Variants in HECW1 observed in about 807,000 individuals in gnomAD.
HECW1 encodes the protein HECT, C2 and WW domain containing E3 ubiquitin protein ligase 1.
In HECW1, 61 loss-of-function variants were observed where a neutral mutation model predicts 182.3. The ratio of observed to expected loss-of-function variants is 0.33; its 90% CI spans 0.27 to 0.41. HECW1 has a LOEUF of 0.41. HECW1 is among the 10% of genes least tolerant of loss of function. HECW1 has a pLI of 1.00. For synonymous variants in HECW1, 859 were observed against 832.6 expected (o/e 1.03, Z -0.55); for missense variants, 1,739 against 2,108.9 (o/e 0.82, Z 3.44).
chr7:43,542,010 A>T lies in HECW1; in HGVS notation c.4248+12A>T, dbSNP rs767496219. On this transcript the variant is annotated intron_variant, in intron 26 of 29. Transcript: ENST00000395891. ...AGGTTTTTGGACAGGTTTGTGTGAC[A>T]TGGGGTTTGGAAAAGGGATTTTGTT... 6.7e-7 allele frequency: 1 copy of T among 1,485,572 alleles called. No homozygotes were observed. 92.0% of individuals were successfully genotyped at this position (1,485,572 alleles called of 1,614,324 possible). A position where few individuals can be genotyped will look rare whatever the true frequency, so the allele number is the denominator to read the frequency against.
chr7:43,361,081 T>TGC, intron 6 of HECW1, 101 bp downstream of exon 6: 1 of 718,628 alleles, frequency 1.4e-6, no homozygotes, highest in Non-Finnish European at 2.4e-6. Flanking sequence ...TGTGTGTGTG[T>TGC]GTGTGTGTAC....
At chr7:43,274,739 TAC>T (rs1165679814) in intron 3 of HECW1, among the ~76,000 whole-genome samples, 1 of 152,146 alleles carries the variant, frequency 6.6e-6, no homozygotes, top group Non-Finnish European at 1.5e-5. Context: ...TTTTATTTGA[TAC>T]ACACTTATTG....
At chr7:43,416,194 C>CAG (rs2075989022) in intron 8 of HECW1, among the ~76,000 whole-genome samples, 1 of 150,332 alleles carries the variant, frequency 6.7e-6, no homozygotes, top group Non-Finnish European at 1.5e-5. Context: ...TGGTGATGTA[C>CAG]AGATGGGTTT....
intron 6 of HECW1, among the ~76,000 whole-genome samples, chr7:43,396,373 AAAT>A (rs1420679677): frequency 6.6e-6 from 1 of 152,202 alleles, no homozygotes. Flanking sequence ...GGAAATCCCT[AAAT>A]AATAATAAGT....
At chr7:43,320,843 G>A (rs753385687) in intron 5 of HECW1, 101 bp downstream of exon 5, 20 of 852,600 alleles carry the variant, frequency 2.3e-5, no homozygotes, top group Non-Finnish European at 3.5e-5. Flanking sequence ...CTAAGAAATG[G>A]GCCCTCTAAA....
chr7:43,491,290 C>G lies in HECW1; in HGVS notation c.3235-785C>G, dbSNP rs2078924479. 2.6e-5 allele frequency among the ~76,000 whole-genome samples: 4 copies of G among 152,130 alleles called. No individual in the cohort carries two copies. The South Asian group carries it at 8.3e-4, about 31-fold the overall frequency. The stretch of plus-strand genomic sequence containing the variant: ...TACTTTTCCTGGATCCTCAGATTCC[C>G]TATTTGTAAATTTTGGTTAATAATG... On this transcript the variant is annotated intron_variant, in intron 17 of 29. Transcript: ENST00000395891.
intron 2 of HECW1, among the ~76,000 whole-genome samples, chr7:43,212,426 C>G (rs1171448491): frequency 1.3e-5 from 2 of 152,094 alleles, no homozygotes; most frequent in Non-Finnish European, 2.9e-5. Flanking sequence ...ATTCTTTTCA[C>G]TTTTTAAAAT....
At chr7:43,355,617 G>T (rs187676157) in intron 5 of HECW1, among the ~76,000 whole-genome samples, 2 of 150,934 alleles carry the variant, frequency 1.3e-5, no homozygotes, top group Admixed American at 1.3e-4. Flanking sequence ...AAAATAAAAA[G>T]CAAAAAAACA....
intron 26 of HECW1, among the ~76,000 whole-genome samples, chr7:43,544,005 C>A (rs1297742433): frequency 6.6e-6 from 1 of 151,870 alleles, no homozygotes. Flanking sequence ...AAGTTAGATC[C>A]CTAACCTAAC....
chr7:43,480,242 C>T (rs180848887), intron 17 of HECW1, among the ~76,000 whole-genome samples: 1 of 152,212 alleles, frequency 6.6e-6, no homozygotes, highest in African/African-American at 2.4e-5. Flanking sequence ...CTACAATGTG[C>T]TCTTTCCTTG....
intron 3 of HECW1, among the ~76,000 whole-genome samples, chr7:43,297,189 G>A (rs1806157278): frequency 6.6e-6 from 1 of 152,190 alleles, no homozygotes; most frequent in Non-Finnish European, 1.5e-5. Context: ...CTAGCCCAGA[G>A]CTTTACAAAC....
chr7:43,256,116 G>A (rs1486932583), intron 3 of HECW1, among the ~76,000 whole-genome samples: 1 of 152,092 alleles, frequency 6.6e-6, no homozygotes, highest in Non-Finnish European at 1.5e-5. Context: ...TCACGCTCTA[G>A]GTCCATAGTA....
At chr7:43,301,785 G>T (rs886271233) in intron 3 of HECW1, among the ~76,000 whole-genome samples, 3 of 151,218 alleles carry the variant, frequency 2.0e-5, no homozygotes, top group Non-Finnish European at 2.9e-5. Flanking sequence ...TGAAGCAGGA[G>T]AATCTCTTGA....
In HECW1 at chr7:43,287,132, G is replaced by A. The variant is rs548264607; in HGVS notation, c.28-24631G>A. On this transcript the variant is annotated intron_variant, in intron 3 of 29. Coordinates refer to ENST00000395891, the MANE Select transcript of HECW1 (RefSeq NM_015052.5). ...GAGAGGAAATGAACAATAAACTAAC[G>A]GAGTGTATGTTTGTTTTCAGTGGTG... Among the ~76,000 whole-genome samples, 9 of 152,256 alleles carry A rather than the reference G, an allele frequency of 5.9e-5. No homozygotes were observed. The South Asian group carries it at 8.3e-4, about 14-fold the overall frequency.
intron 5 of HECW1, among the ~76,000 whole-genome samples, chr7:43,340,221 C>T (rs188794153): frequency 1.0e-5 from 1 of 99,888 alleles, no homozygotes; most frequent in African/African-American, 3.8e-5. Flanking sequence ...TCCCACCCCC[C>T]ACCCCTTTTT....
At chr7:43,395,432 G>GT (rs2075195169) in intron 6 of HECW1, among the ~76,000 whole-genome samples, 1 of 152,196 alleles carries the variant, frequency 6.6e-6, no homozygotes. Flanking sequence ...TAAGACAAAT[G>GT]TAAGTTTCAA....
At chr7:43,548,784 A>G (rs566241678) in intron 26 of HECW1, among the ~76,000 whole-genome samples, 1 of 152,304 alleles carries the variant, frequency 6.6e-6, no homozygotes, top group East Asian at 1.9e-4. Flanking sequence ...TGTACTAAAA[A>G]TAAAAAAAAA....
intron 2 of HECW1, among the ~76,000 whole-genome samples, chr7:43,234,066 C>T (rs1274959458): frequency 1.3e-5 from 2 of 152,220 alleles, no homozygotes; most frequent in African/African-American, 2.4e-5. Context: ...GTGCAATATA[C>T]GGGTTGCTAA....
At chr7:43,431,984 T>C (rs2076563758) in intron 8 of HECW1, among the ~76,000 whole-genome samples, 1 of 150,752 alleles carries the variant, frequency 6.6e-6, no homozygotes, top group Non-Finnish European at 1.5e-5. Flanking sequence ...CCTGCCACCA[T>C]GCCTGGCTAA....
Sources: gnomAD v4.1 joint callset for allele counts (sites outside exome capture counted in the v4.1 genomes callset) on GRCh38, gnomAD v4.1.1 for gene constraint, MANE v1.5 for transcripts, NCBI Gene and HGNC (gene_info 2026-07-23, HGNC 2026-07-21) for gene names.